MMP16: variants seen among roughly 807,000 people sequenced by gnomAD.
The protein encoded by MMP16 is matrix metallopeptidase 16, also known as matrix metalloproteinase-16.
MMP16 carries 12 observed loss-of-function variants against 67.8 expected under a neutral mutation model. That is an observed-to-expected ratio of 0.18 (90% confidence interval 0.11 to 0.29). The LOEUF (loss-of-function observed/expected upper bound fraction) is 0.29, where lower values mean the gene tolerates loss of function less well. Ranked by LOEUF, MMP16 falls within the 10% of genes least tolerant of loss-of-function variation. The probability of loss-of-function intolerance (pLI) is 1.00; values close to 1 mark genes in which losing one functional copy is unlikely to be tolerated. For missense variants in MMP16, 475 were observed against 765.7 expected (o/e 0.62, Z 4.48); for synonymous variants, 249 against 255.9 (o/e 0.97, Z 0.26).
intron 1 of MMP16, among the ~76,000 whole-genome samples, chr8:88,278,609 A>G (rs1274370864): frequency 6.6e-6 from 1 of 152,244 alleles, no homozygotes; most frequent in African/African-American, 2.4e-5. Context: ...GAATTAAAAC[A>G]GCAACAAAAA....
At chr8:88,288,050 T>G (rs1340136725) in intron 1 of MMP16, among the ~76,000 whole-genome samples, 1 of 152,216 alleles carries the variant, frequency 6.6e-6, no homozygotes, top group Non-Finnish European at 1.5e-5. Flanking sequence ...CATGAACATA[T>G]CATAGCCCTA....
intron 1 of MMP16, among the ~76,000 whole-genome samples, chr8:88,296,873 GTAGA>G (rs1436432485): frequency 2.0e-5 from 3 of 147,872 alleles, no homozygotes; most frequent in African/African-American, 5.0e-5. Flanking sequence ...TTGCAATAAA[GTAGA>G]TAGAGCCATT....
intron 1 of MMP16, among the ~76,000 whole-genome samples, chr8:88,239,939 T>C (rs564479128): frequency 6.6e-6 from 1 of 152,362 alleles, no homozygotes; most frequent in East Asian, 1.9e-4. Flanking sequence ...AAATCACTTA[T>C]CTTACAAAGT....
At chr8:88,132,279 C>T (rs1476886123) in intron 4 of MMP16, among the ~76,000 whole-genome samples, 2 of 151,912 alleles carry the variant, frequency 1.3e-5, no homozygotes, top group Non-Finnish European at 2.9e-5. Context: ...AATTGTACTT[C>T]ATAAACAACT....
intron 1 of MMP16, among the ~76,000 whole-genome samples, chr8:88,295,568 A>G (rs1197710097): frequency 1.3e-5 from 2 of 152,194 alleles, no homozygotes; most frequent in African/African-American, 4.8e-5. Context: ...CAAAAAAGCA[A>G]TTTAAGTTAA....
intron 1 of MMP16, among the ~76,000 whole-genome samples, chr8:88,305,787 A>G (rs1811202412): frequency 6.6e-6 from 1 of 152,182 alleles, no homozygotes; most frequent in African/African-American, 2.4e-5. Context: ...CAGCTAAAGC[A>G]GTGTTAAGGG....
At chr8:88,056,080 T>C in intron 8 of MMP16, 48 bp downstream of exon 8, 1 of 1,357,248 alleles carries the variant, frequency 7.4e-7, no homozygotes, top group Non-Finnish European at 9.7e-7. Flanking sequence ...GCTGATTTTC[T>C]AAACATTGGT....
chr8:88,083,306 T>G (rs1808783456), intron 6 of MMP16, among the ~76,000 whole-genome samples: 1 of 152,076 alleles, frequency 6.6e-6, no homozygotes, highest in Non-Finnish European at 1.5e-5. Context: ...ATTCCAGTGA[T>G]GGGTATTACA....
chr8:88,154,466 C>T (rs1413620265), intron 4 of MMP16, among the ~76,000 whole-genome samples: 11 of 146,732 alleles, frequency 7.5e-5, no homozygotes, highest in Admixed American at 6.8e-4. Flanking sequence ...TGGAACCAAC[C>T]CAAATGTCCA....
At chr8:88,157,128 C>G (rs994985554) in intron 4 of MMP16, among the ~76,000 whole-genome samples, 1 of 152,018 alleles carries the variant, frequency 6.6e-6, no homozygotes, top group African/African-American at 2.4e-5. Context: ...GTTGGCCCTC[C>G]CTATCCATGG....
At chr8:88,162,015 G>A (rs1009351599) in intron 4 of MMP16, among the ~76,000 whole-genome samples, 12 of 151,782 alleles carry the variant, frequency 7.9e-5, no homozygotes, top group Non-Finnish European at 1.5e-4. Context: ...GTGGTGCTGA[G>A]AAGAATGAAT....
chr8:88,139,310 T>C lies in MMP16; in HGVS notation c.710-20449A>G, dbSNP rs540341149. ...TCAGGTGCTTCTCAATATATTCTCT[T>C]CTCAAACAATTTATGATAGGTCATC... On this transcript the variant is annotated intron_variant, in intron 4 of 9. Coordinates refer to ENST00000286614, the MANE Select transcript of MMP16 (RefSeq NM_005941.5). Among the ~76,000 whole-genome samples, 7 of 152,166 alleles carry C rather than the reference T, an allele frequency of 4.6e-5. No individual in the cohort carries two copies. The East Asian group carries it at 1.4e-3, about 29-fold the overall frequency.
At chr8:88,231,066 C>T (rs933916980) in intron 1 of MMP16, among the ~76,000 whole-genome samples, 4 of 152,108 alleles carry the variant, frequency 2.6e-5, no homozygotes, top group Non-Finnish European at 4.4e-5. Context: ...ATATATATGT[C>T]AGTGTCCAAT....
Position 88,177,696 on chromosome 8 carries a change from T to C in MMP16, c.404+8780A>G, listed in dbSNP as rs1172218196. 2.0e-5 allele frequency among the ~76,000 whole-genome samples: 3 copies of C among 152,236 alleles called. No individual in the cohort carries two copies. The East Asian group carries it at 5.8e-4, about 29-fold the overall frequency. ...AAAACTATTTTATCAAAGCATTATC[T>C]GATCTAGCTTAAAGATAATTAGACA... On this transcript the variant is annotated intron_variant, in intron 3 of 9. Coordinates refer to ENST00000286614, the MANE Select transcript of MMP16 (RefSeq NM_005941.5).
At chr8:88,147,254 G>A (rs533061599) in intron 4 of MMP16, among the ~76,000 whole-genome samples, 12 of 152,000 alleles carry the variant, frequency 7.9e-5, no homozygotes, top group Admixed American at 7.2e-4. Flanking sequence ...TATCCTTGAA[G>A]ATTTACTATG....
At chr8:88,045,161 A>G (rs899286312) in intron 9 of MMP16, among the ~76,000 whole-genome samples, 1 of 152,100 alleles carries the variant, frequency 6.6e-6, no homozygotes, top group Non-Finnish European at 1.5e-5. Context: ...GTTCTTTTTG[A>G]CTTTGCCTCT....
Position 88,042,203 on chromosome 8 carries a change from C to T in MMP16, c.1490-408G>A, listed in dbSNP as rs76161471. 2.0e-5 allele frequency among the ~76,000 whole-genome samples: 3 copies of T among 152,272 alleles called. No individual in the cohort carries two copies. In the East Asian group the frequency reaches 5.8e-4, roughly 29 times the overall value. ...GCTGAAACAGCCTTATAAACTGAAA[C>T]ACTGTTTACCCTCAGGCTGTTACTG... On this transcript the variant is annotated intron_variant, in intron 9 of 9. Transcript: ENST00000286614.
chr8:88,130,577 C>T (rs1808011713), intron 4 of MMP16, among the ~76,000 whole-genome samples: 1 of 151,582 alleles, frequency 6.6e-6, no homozygotes, highest in African/African-American at 2.4e-5. Flanking sequence ...GTAGGTGCAG[C>T]AAAATATCTT....
chr8:88,249,940 T>A (rs895026374), intron 1 of MMP16, among the ~76,000 whole-genome samples: 1 of 152,132 alleles, frequency 6.6e-6, no homozygotes, highest in Admixed American at 6.6e-5. Context: ...AAGAATTTTA[T>A]GTAATGTTCC....
Sources: gnomAD v4.1 joint callset for allele counts (sites outside exome capture counted in the v4.1 genomes callset) on GRCh38, gnomAD v4.1.1 for gene constraint, MANE v1.5 for transcripts, NCBI Gene and HGNC (gene_info 2026-07-23, HGNC 2026-07-21) for gene names.